FOXP1: variants seen among roughly 807,000 people sequenced by gnomAD.
FOXP1 encodes forkhead box protein P1.
Under a neutral mutation model 98.2 loss-of-function variants are expected in FOXP1, and 15 were observed. The observed-to-expected ratio is 0.15, with a 90% CI of 0.10 to 0.24. FOXP1 has a LOEUF of 0.24. Among genes scored for constraint, FOXP1 ranks in the 10% least tolerant of loss-of-function variants. The pLI is 1.00. For missense variants in FOXP1, 633 were observed against 848.5 expected (o/e 0.75, Z 3.15); for synonymous variants, 371 against 314.5 (o/e 1.18, Z -1.90).
intron 7 of FOXP1, among the ~76,000 whole-genome samples, chr3:71,071,612 T>C (rs1249798067): frequency 6.6e-6 from 1 of 152,184 alleles, no homozygotes. Context: ...CTCGCTCTTG[T>C]CACCCAGCCT....
chr3:71,101,349 A>G (rs2056941895), intron 7 of FOXP1, among the ~76,000 whole-genome samples: 1 of 152,198 alleles, frequency 6.6e-6, no homozygotes, highest in African/African-American at 2.4e-5. Flanking sequence ...TGAAGGTTCT[A>G]GAACAAGCAC....
chr3:71,447,789 A>G (rs531519319), intron 3 of FOXP1, among the ~76,000 whole-genome samples: 1 of 152,164 alleles, frequency 6.6e-6, no homozygotes, highest in Admixed American at 6.5e-5. Flanking sequence ...GCAGGGGGAG[A>G]GGGGTTTGGA....
At chr3:71,409,051 T>G (rs556750080) in intron 3 of FOXP1, among the ~76,000 whole-genome samples, 1 of 152,352 alleles carries the variant, frequency 6.6e-6, no homozygotes, top group South Asian at 2.1e-4. Flanking sequence ...CAGACTAACG[T>G]GCACAGCAGG....
intron 7 of FOXP1, among the ~76,000 whole-genome samples, chr3:71,082,527 T>C (rs560087664): frequency 6.6e-6 from 1 of 151,856 alleles, no homozygotes; most frequent in South Asian, 2.1e-4. Context: ...CTAATGTAGA[T>C]GACGGGTTGA....
At chr3:71,388,435 T>C (rs2080762613) in intron 3 of FOXP1, among the ~76,000 whole-genome samples, 1 of 152,192 alleles carries the variant, frequency 6.6e-6, no homozygotes, top group Non-Finnish European at 1.5e-5. Context: ...TAGCCGTGTA[T>C]TCTCTAAATC....
chr3:71,276,055 A>C (rs1188408964), intron 5 of FOXP1: 1 of 152,236 alleles, frequency 6.6e-6, no homozygotes, highest in African/African-American at 2.4e-5. Context: ...AAAAATCAGC[A>C]AACACCCAAA....
intron 7 of FOXP1, among the ~76,000 whole-genome samples, chr3:71,090,411 TGAG>T (rs2055672831): frequency 6.6e-6 from 1 of 152,096 alleles, no homozygotes; most frequent in African/African-American, 2.4e-5. Flanking sequence ...CCTGCAGGTG[TGAG>T]GAGAACCACC....
At chr3:70,974,493 C>G (rs1224712854) in intron 17 of FOXP1, among the ~76,000 whole-genome samples, 1 of 151,956 alleles carries the variant, frequency 6.6e-6, no homozygotes, top group Non-Finnish European at 1.5e-5. Context: ...GAGATGGGGT[C>G]TTGCTATGTT....
At chr3:71,512,592 C>T (rs1318416470) in intron 2 of FOXP1, among the ~76,000 whole-genome samples, 1 of 152,098 alleles carries the variant, frequency 6.6e-6, no homozygotes, top group Non-Finnish European at 1.5e-5. Flanking sequence ...CAATGCAATC[C>T]AACTTTTCCT....
At chr3:71,306,631 C>CAAAAAAAAAAAAAAAAAAAAAAAAA (rs66479255) in intron 4 of FOXP1, among the ~76,000 whole-genome samples, 1 of 42,852 alleles carries the variant, frequency 2.3e-5, no homozygotes, top group Non-Finnish European at 4.2e-5. Flanking sequence ...GAGAATAAGC[C>CAAAAAAAAAAAAAAAAAAAAAAAAA]AAAAAAAAAA....
intron 2 of FOXP1, among the ~76,000 whole-genome samples, chr3:71,531,216 C>T (rs1453152534): frequency 2.0e-5 from 3 of 152,228 alleles, no homozygotes. Flanking sequence ...CGGTTCAAAT[C>T]CGGGCTTAGG....
At chr3:71,560,811 A>G (rs529040924) in intron 2 of FOXP1, among the ~76,000 whole-genome samples, 27 of 152,290 alleles carry the variant, frequency 1.8e-4, no homozygotes, top group Admixed American at 2.0e-4. Context: ...AAAAGGCCAC[A>G]GAGAGTTTCA....
chr3:70,966,388 A>G (rs1396284956), intron 19 of FOXP1: 1 of 361,482 alleles, frequency 2.8e-6, no homozygotes, highest in Non-Finnish European at 5.3e-6. Context: ...GGAGCTGAAT[A>G]TTTCCAGATC....
intron 3 of FOXP1, among the ~76,000 whole-genome samples, chr3:71,397,529 C>T (rs1312547527): frequency 1.3e-5 from 2 of 152,220 alleles, no homozygotes; most frequent in Non-Finnish European, 2.9e-5. Flanking sequence ...GTTTTTGCCT[C>T]TGTGGAACTT....
intron 6 of FOXP1, among the ~76,000 whole-genome samples, chr3:71,149,245 G>A (rs1034603891): frequency 2.6e-5 from 4 of 152,190 alleles, no homozygotes; most frequent in African/African-American, 7.2e-5. Flanking sequence ...GGAAAGGCAA[G>A]TTATAAGTAA....
intron 3 of FOXP1, among the ~76,000 whole-genome samples, chr3:71,424,829 T>A (rs375915888): frequency 6.6e-6 from 1 of 152,158 alleles, no homozygotes; most frequent in Non-Finnish European, 1.5e-5. Flanking sequence ...GAATCCAATG[T>A]TCCCATTGGA....
chr3:71,488,689 C>A (rs1042229805), intron 3 of FOXP1, among the ~76,000 whole-genome samples: 2 of 152,142 alleles, frequency 1.3e-5, no homozygotes, highest in Non-Finnish European at 2.9e-5. Context: ...ATAAACGCAT[C>A]GAAAATACTT....
chr3:71,463,100 C>G (rs2088306743), intron 3 of FOXP1, among the ~76,000 whole-genome samples: 1 of 152,250 alleles, frequency 6.6e-6, no homozygotes, highest in South Asian at 2.1e-4. Flanking sequence ...TGGTGGCTCA[C>G]ACCTGTAATT....
At chr3:70,997,970 C>T (rs530784968) in intron 13 of FOXP1, among the ~76,000 whole-genome samples, 2 of 152,250 alleles carry the variant, frequency 1.3e-5, no homozygotes, top group South Asian at 2.1e-4. Flanking sequence ...AGGCACTTGC[C>T]ATGTGAAGAG....
Sources: allele counts gnomAD v4.1 joint callset (sites outside exome capture counted in the v4.1 genomes callset), GRCh38; gene constraint gnomAD v4.1.1; transcripts MANE v1.5; gene names NCBI Gene and HGNC (gene_info 2026-07-23, HGNC 2026-07-21).